The following LRGUK variants were observed in gnomAD, a reference collection of about 807,000 sequenced individuals.
LRGUK encodes leucine rich repeats and guanylate kinase domain containing, also known as leucine-rich repeat and guanylate kinase domain-containing protein.
Under a neutral mutation model 76.0 loss-of-function variants are expected in LRGUK, and 65 were observed. The ratio of observed to expected loss-of-function variants is 0.85; its 90% CI spans 0.70 to 1.05. LRGUK has a LOEUF of 1.05. Among genes scored for constraint, LRGUK ranks in the 50% least tolerant of loss-of-function variants. The pLI, the probability that LRGUK is intolerant of heterozygous loss-of-function variation, is 0.00. For missense variants in LRGUK, 758 were observed against 732.8 expected, an observed-to-expected ratio of 1.03 and a Z score of -0.40; for synonymous variants, 268 against 265.6, an observed-to-expected ratio of 1.01 and a Z score of -0.09.
chr7:134,230,354 A>G (rs1801861989), intron 16 of LRGUK, among the ~76,000 whole-genome samples: 1 of 152,192 alleles, frequency 6.6e-6, no homozygotes, highest in Non-Finnish European at 1.5e-5. Flanking sequence ...AAGACTATCA[A>G]TATGTGGGGC....
the LRGUK span, among the ~76,000 whole-genome samples, chr7:134,273,159 T>A: frequency 6.6e-6 from 1 of 152,308 alleles, no homozygotes; most frequent in African/African-American, 2.4e-5. Flanking sequence ...AACTGCTCCC[T>A]GTGCCAAGAG....
intron 4 of LRGUK, among the ~76,000 whole-genome samples, chr7:134,147,750 A>G (rs1361051178): frequency 6.6e-6 from 1 of 152,106 alleles, no homozygotes; most frequent in African/African-American, 2.4e-5. Flanking sequence ...AAGTGGACAG[A>G]AAAGGATCCC....
chr7:134,221,998 A>G, intron 16 of LRGUK, 80 bp downstream of exon 16: 2 of 1,321,642 alleles, frequency 1.5e-6, no homozygotes, highest in Non-Finnish European at 2.0e-6. Context: ...ATATTTTGAG[A>G]CTAATAAGTT....
chr7:134,128,379 C>T (rs1797121040), intron 1 of LRGUK, among the ~76,000 whole-genome samples: 1 of 152,216 alleles, frequency 6.6e-6, no homozygotes, highest in African/African-American at 2.4e-5. Flanking sequence ...TACAATATCT[C>T]TTCTGACCAC....
chr7:134,201,532 T>G (rs1310942302), exon 15 of LRGUK: 5 of 1,613,906 alleles, frequency 3.1e-6, no homozygotes, highest in Non-Finnish European at 4.2e-6. Flanking sequence ...AGAGAATACC[T>G]TGGATTGACT....
downstream of LRGUK, chr7:134,210,399 C>T (rs990738237): frequency 2.5e-6 from 1 of 397,434 alleles, no homozygotes; most frequent in Non-Finnish European, 4.4e-6. Context: ...AAACATAATT[C>T]CAGGAAAAGG....
the LRGUK span, among the ~76,000 whole-genome samples, chr7:134,273,276 G>C: frequency 6.6e-6 from 1 of 152,170 alleles, no homozygotes; most frequent in African/African-American, 2.4e-5. Flanking sequence ...CTGATGCCTG[G>C]TAGAGCTCTC....
intron 18 of LRGUK, among the ~76,000 whole-genome samples, chr7:134,255,217 ATCTCAACAC>A (rs1288736352): frequency 1.5e-5 from 2 of 134,370 alleles, no homozygotes; most frequent in African/African-American, 5.6e-5. Context: ...GACATATGTT[ATCTCAACAC>A]ACACACACAC....
At chr7:134,136,020 A>G (rs1210979895) in intron 1 of LRGUK, among the ~76,000 whole-genome samples, 1 of 152,192 alleles carries the variant, frequency 6.6e-6, no homozygotes, top group Non-Finnish European at 1.5e-5. Context: ...CCAGAGCTGC[A>G]TTGTTGGTTC....
chr7:134,207,386 TCA>T (rs1339258663), intron 15 of LRGUK, among the ~76,000 whole-genome samples: 2 of 152,214 alleles, frequency 1.3e-5, no homozygotes, highest in Admixed American at 1.3e-4. Context: ...CTCGATATTT[TCA>T]CAGTTTTATT....
Position 134,264,075 on chromosome 7 carries a change from C to T in LRGUK, c.*100C>T, listed in dbSNP as rs556123181. ...TGGGTCCAGCTGTTTCTCACTCAACCCATTACCCACGGAAGAATGTTCTAC... is the reference window on the plus strand; with the variant it reads ...TGGGTCCAGCTGTTTCTCACTCAACTCATTACCCACGGAAGAATGTTCTAC... On this transcript the variant is annotated 3_prime_UTR_variant, in exon 20 of 20. Transcript: ENST00000285928. 129 of 1,183,684 alleles carry T rather than the reference C, an allele frequency of 1.1e-4. No homozygotes were observed. In the African/African-American group the frequency reaches 1.8e-3, roughly 17 times the overall value. 73.3% of individuals were successfully genotyped at this position (1,183,684 alleles called of 1,614,324 possible). A position where few individuals can be genotyped will look rare whatever the true frequency, so the allele number is the denominator to read the frequency against.
chr7:134,228,897 A>AAATAAGT (rs1345098052), intron 16 of LRGUK, among the ~76,000 whole-genome samples: 1 of 152,162 alleles, frequency 6.6e-6, no homozygotes, highest in Non-Finnish European at 1.5e-5. Flanking sequence ...GTAGAATAAT[A>AAATAAGT]AATAAGTAAT....
At chr7:134,264,041 A>C (rs1437673272) in exon 20 of LRGUK, 1 of 1,504,484 alleles carries the variant, frequency 6.6e-7, no homozygotes, top group Non-Finnish European at 8.9e-7. Context: ...TCCTTGCCTT[A>C]CCTGGCCATG....
intron 10 of LRGUK, among the ~76,000 whole-genome samples, chr7:134,178,975 G>C (rs1299258432): frequency 1.9e-5 from 2 of 106,832 alleles, no homozygotes; most frequent in Non-Finnish European, 3.7e-5. Flanking sequence ...TGCCTTAGGA[G>C]AGAAACACAG....
chr7:134,168,436 T>G (rs529172804), intron 7 of LRGUK, among the ~76,000 whole-genome samples: 1 of 152,290 alleles, frequency 6.6e-6, no homozygotes, highest in African/African-American at 2.4e-5. Flanking sequence ...TACCCAGATT[T>G]GCCTCCCTTC....
Position 134,127,396 on chromosome 7 carries a change from G to A in LRGUK, c.29G>A (p.Arg10Lys), listed in dbSNP as rs756314029. The change falls in exon 1 of 16, where the codon AGG becomes AAG. Residue 10 changes from arginine to lysine, a missense_variant. Physicochemically the swap from Arg to Lys is conservative, Grantham distance 26 (BLOSUM62 2). Coordinates refer to ENST00000645682, the Ensembl canonical transcript of LRGUK. ...GCGACCTCCGAGAGGGCTCTCCTGAGGACCAGAGCTGCCTCTCTCCTGAGA... is the reference window on the plus strand; with the variant it reads ...GCGACCTCCGAGAGGGCTCTCCTGAAGACCAGAGCTGCCTCTCTCCTGAGA... The A allele has an allele frequency of 3.7e-6, 6 of 1,613,218 alleles. No homozygotes were observed. The East Asian group carries it at 1.1e-4, about 30-fold the overall frequency.
chr7:134,245,804 A>C (rs777175652), intron 16 of LRGUK, among the ~76,000 whole-genome samples: 47 of 152,234 alleles, frequency 3.1e-4, no homozygotes, highest in Admixed American at 1.3e-3. Context: ...CAACAAACAC[A>C]AAAAATAAAG....
chr7:134,240,876 A>G (rs1335168816), intron 16 of LRGUK, among the ~76,000 whole-genome samples: 1 of 152,216 alleles, frequency 6.6e-6, no homozygotes, highest in Non-Finnish European at 1.5e-5. Flanking sequence ...TCTACAAGCC[A>G]GAAGAGAGTG....
chr7:134,176,843 A>G lies in LRGUK; in HGVS notation c.1021-134A>G, dbSNP rs1331125794. Reference sequence around the variant, plus strand: ...AAGGGGACTGGGAAGCGTGAAATGCATAGTCCTGTGAGGGTGTGTGTGGGA... The same window carrying G: ...AAGGGGACTGGGAAGCGTGAAATGCGTAGTCCTGTGAGGGTGTGTGTGGGA... On this transcript the variant is annotated intron_variant, in intron 8 of 15. Coordinates refer to ENST00000645682, the Ensembl canonical transcript of LRGUK. The G allele has an allele frequency of 1.0e-5, 6 of 577,856 alleles. 1 individual carries two copies. The highest frequency in any genetic ancestry group is 1.9e-5 in the Non-Finnish European group (6 of 321,328). The allele number at this position is 577,856 out of a possible 1,614,324, so 35.8% of individuals were successfully genotyped here. A position where few individuals can be genotyped will look rare whatever the true frequency, so the allele number is the denominator to read the frequency against.
Sources: gnomAD v4.1 joint callset for allele counts (sites outside exome capture counted in the v4.1 genomes callset) on GRCh38, gnomAD v4.1.1 for gene constraint, MANE v1.5 for transcripts, NCBI Gene and HGNC (gene_info 2026-07-23, HGNC 2026-07-21) for gene names.